The following COMMD1 variants were observed in gnomAD, a reference collection of about 807,000 sequenced individuals.
COMMD1 encodes COMM domain-containing protein 1.
Under a neutral mutation model 17.2 loss-of-function variants are expected in COMMD1, and 10 were observed. The observed-to-expected ratio is 0.58, with a 90% CI of 0.36 to 0.99. COMMD1 has a LOEUF of 0.99. Ranked by LOEUF, COMMD1 falls within the 50% of genes least tolerant of loss-of-function variation. COMMD1 has a pLI of 0.01. For synonymous variants in COMMD1, 97 were observed against 91.6 expected (o/e 1.06, Z -0.34); for missense variants, 270 against 231.8 (o/e 1.17, Z -1.07).
intron 1 of COMMD1, among the ~76,000 whole-genome samples, chr2:61,893,071 T>C (rs1274714401): frequency 6.6e-6 from 1 of 151,980 alleles, no homozygotes; most frequent in Non-Finnish European, 1.5e-5. Context: ...TTCACCATGT[T>C]GGCCAGGCTG....
chr2:61,900,753 AG>A (rs1344468595), upstream of COMMD1, among the ~76,000 whole-genome samples: 1 of 152,142 alleles, frequency 6.6e-6, no homozygotes, highest in Non-Finnish European at 1.5e-5. Context: ...ATGGAAAACT[AG>A]GGGGTTTATA....
chr2:62,118,143 A>G (rs2104065692), intron 2 of COMMD1: 1 of 152,336 alleles, frequency 6.6e-6, no homozygotes, highest in Non-Finnish European at 1.5e-5. Flanking sequence ...TTTTCTGATA[A>G]AATCTTTCTG....
At chr2:62,060,058 G>A (rs1392249509) in intron 2 of COMMD1, among the ~76,000 whole-genome samples, 3 of 152,188 alleles carry the variant, frequency 2.0e-5, no homozygotes, top group African/African-American at 7.2e-5. Context: ...GCCTGGGGCG[G>A]TGGCTCATGC....
chr2:62,067,020 C>G lies in COMMD1; in HGVS notation c.462+66038C>G, dbSNP rs147112230. Among the ~76,000 whole-genome samples the G allele has an allele frequency of 1.3e-4, 20 of 152,214 alleles. No homozygotes were observed. In the East Asian group the frequency reaches 3.9e-3, roughly 30 times the overall value. On this transcript the variant is annotated intron_variant, in intron 2 of 2. Coordinates refer to ENST00000311832, the MANE Select transcript of COMMD1 (RefSeq NM_152516.4). ...GGATTACAGGCTTGAGCCACCGTGC[C>G]CAGCCCAAATCTATATAGATTGATG...
At chr2:61,929,624 G>A (rs1390326005) in intron 1 of COMMD1, among the ~76,000 whole-genome samples, 1 of 152,142 alleles carries the variant, frequency 6.6e-6, no homozygotes, top group East Asian at 1.9e-4. Flanking sequence ...GAAAGCTCTT[G>A]TGTCATATAC....
At chr2:62,099,003 C>T (rs1321835726) in intron 2 of COMMD1, among the ~76,000 whole-genome samples, 2 of 152,172 alleles carry the variant, frequency 1.3e-5, no homozygotes, top group Non-Finnish European at 2.9e-5. Flanking sequence ...AGGGGCTATA[C>T]ATTATGTTAG....
At chr2:62,065,652 AT>A (rs1671018338) in intron 2 of COMMD1, among the ~76,000 whole-genome samples, 2 of 152,262 alleles carry the variant, frequency 1.3e-5, no homozygotes, top group African/African-American at 4.8e-5. Context: ...GTAACTGGAA[AT>A]TTAATTGTTG....
At chr2:62,070,400 A>G (rs1024832654) in intron 2 of COMMD1, 4 of 152,018 alleles carry the variant, frequency 2.6e-5, no homozygotes, top group Admixed American at 2.6e-4. Flanking sequence ...CAAAAAAAAT[A>G]TTTAAAAATT....
chr2:61,999,780 G>C (rs991490225), intron 1 of COMMD1, among the ~76,000 whole-genome samples: 1 of 151,896 alleles, frequency 6.6e-6, no homozygotes, highest in African/African-American at 2.4e-5. Context: ...CATAGAACTG[G>C]ATATTTAAAA....
At chr2:62,017,057 T>C (rs977253826) in intron 2 of COMMD1, among the ~76,000 whole-genome samples, 3 of 152,224 alleles carry the variant, frequency 2.0e-5, no homozygotes, top group African/African-American at 7.2e-5. Context: ...AGAGCTCTTA[T>C]CACCCAAGAC....
intron 2 of COMMD1, among the ~76,000 whole-genome samples, chr2:62,057,953 C>T (rs1670755668): frequency 6.6e-6 from 1 of 152,052 alleles, no homozygotes; most frequent in Non-Finnish European, 1.5e-5. Flanking sequence ...TTTCCAAACC[C>T]TGCATGTGGC....
intron 1 of COMMD1, among the ~76,000 whole-genome samples, chr2:61,930,128 G>C (rs775488409): frequency 6.6e-6 from 1 of 152,092 alleles, no homozygotes; most frequent in Non-Finnish European, 1.5e-5. Flanking sequence ...CTGAGAGGGG[G>C]AAGCCAGCTG....
rs1010206810 is a variant in COMMD1 at position 61,892,630 on chromosome 2, G to T, written n.119+3788G>T. Among the ~76,000 whole-genome samples, 5 of 148,946 alleles carry T rather than the reference G, an allele frequency of 3.4e-5. 1 individual carries two copies. Among genetic ancestry groups the T allele is most frequent in the African/African-American group, 1.3e-4 (5 of 38,862 alleles). ...GATCGCTTGAACCTGGGAGGTGGAGGTTGCGGTGAGCCGAGATCGTGCCAT... is the reference window on the plus strand; with the variant it reads ...GATCGCTTGAACCTGGGAGGTGGAGTTTGCGGTGAGCCGAGATCGTGCCAT... On this transcript the variant is annotated intron_variant and non_coding_transcript_variant, in intron 1 of 2. Transcript: ENST00000472729.
chr2:62,027,705 G>C (rs780937579), intron 2 of COMMD1, among the ~76,000 whole-genome samples: 1 of 151,734 alleles, frequency 6.6e-6, no homozygotes, highest in African/African-American at 2.4e-5. Context: ...ACAAGGTCTC[G>C]CTCTGTCACC....
At chr2:62,088,821 G>A (rs1176974048) in intron 2 of COMMD1, among the ~76,000 whole-genome samples, 2 of 152,228 alleles carry the variant, frequency 1.3e-5, no homozygotes, top group East Asian at 3.8e-4. Flanking sequence ...CTGAGAACAT[G>A]TGCCCAAGGT....
At chr2:61,962,637 A>T (rs1206394083) in intron 1 of COMMD1, among the ~76,000 whole-genome samples, 1 of 152,188 alleles carries the variant, frequency 6.6e-6, no homozygotes, top group African/African-American at 2.4e-5. Flanking sequence ...ATCTCTGGAC[A>T]CTGAAGTTTG....
chr2:62,012,255 T>C (rs1444750243), intron 2 of COMMD1, among the ~76,000 whole-genome samples: 1 of 124,002 alleles, frequency 8.1e-6, no homozygotes, highest in African/African-American at 3.3e-5. Flanking sequence ...AGACCTTGTC[T>C]CAAACACACA....
At chr2:61,911,138 ACTAATTCATATACT>A (rs1669895882) in intron 1 of COMMD1, among the ~76,000 whole-genome samples, 1 of 150,644 alleles carries the variant, frequency 6.6e-6, no homozygotes, top group Admixed American at 6.6e-5. Flanking sequence ...GTTGTCTATT[ACTAATTCATATACT>A]CTAGTACTCA....
At chr2:61,937,350 T>C (rs1256977250) in intron 1 of COMMD1, among the ~76,000 whole-genome samples, 1 of 152,200 alleles carries the variant, frequency 6.6e-6, no homozygotes, top group East Asian at 1.9e-4. Context: ...TTCCCCCTTT[T>C]GTCCAAGATT....
Sources: gnomAD v4.1 joint callset for allele counts (sites outside exome capture counted in the v4.1 genomes callset) on GRCh38, gnomAD v4.1.1 for gene constraint, MANE v1.5 for transcripts, NCBI Gene and HGNC (gene_info 2026-07-23, HGNC 2026-07-21) for gene names.